Variants in MAP3K5 observed in about 807,000 individuals in gnomAD.
MAP3K5 encodes mitogen-activated protein kinase kinase kinase 5.
Under a neutral mutation model 158.7 loss-of-function variants are expected in MAP3K5, and 56 were observed. That is an observed-to-expected ratio of 0.35 (90% CI 0.28 to 0.44). MAP3K5 has a LOEUF of 0.44. Ranked by LOEUF, MAP3K5 falls within the 20% of genes least tolerant of loss-of-function variation. The pLI is 1.00. For missense variants in MAP3K5, 1,294 were observed against 1,674.8 expected (o/e 0.77, Z 3.97); for synonymous variants, 579 against 601.7 (o/e 0.96, Z 0.55).
At chr6:136,769,256 T>C (rs1784080290) in intron 1 of MAP3K5, among the ~76,000 whole-genome samples, 1 of 152,154 alleles carries the variant, frequency 6.6e-6, no homozygotes, top group African/African-American at 2.4e-5. Flanking sequence ...AGTCACAAAA[T>C]GCCACATATT....
intron 7 of MAP3K5, among the ~76,000 whole-genome samples, chr6:136,684,196 G>A (rs1159332419): frequency 2.6e-5 from 4 of 151,728 alleles, no homozygotes; most frequent in East Asian, 3.9e-4. Flanking sequence ...TGCACTGGGC[G>A]ACAGAATGAG....
intron 1 of MAP3K5, among the ~76,000 whole-genome samples, chr6:136,760,713 T>C (rs1783711785): frequency 6.6e-6 from 1 of 152,130 alleles, no homozygotes; most frequent in Non-Finnish European, 1.5e-5. Flanking sequence ...CTCACGCCTG[T>C]AATCCCAGCA....
At chr6:136,587,529 C>A (rs576715848) in intron 23 of MAP3K5, among the ~76,000 whole-genome samples, 3 of 152,284 alleles carry the variant, frequency 2.0e-5, no homozygotes, top group Admixed American at 6.5e-5. Flanking sequence ...GTGATGGAAC[C>A]AGGCCTCAAA....
At chr6:136,706,727 A>G (rs1029068564) in intron 2 of MAP3K5, among the ~76,000 whole-genome samples, 2 of 152,226 alleles carry the variant, frequency 1.3e-5, no homozygotes, top group African/African-American at 4.8e-5. Flanking sequence ...AGAAGAACCA[A>G]CAAGGACTTT....
intron 15 of MAP3K5, among the ~76,000 whole-genome samples, chr6:136,618,170 C>G (rs964086871): frequency 2.0e-5 from 3 of 152,186 alleles, no homozygotes; most frequent in African/African-American, 4.8e-5. Context: ...AGTGTACACT[C>G]AGGTTGTATC....
chr6:136,644,974 G>A (rs1778176294), intron 11 of MAP3K5, among the ~76,000 whole-genome samples: 1 of 152,112 alleles, frequency 6.6e-6, no homozygotes, highest in Non-Finnish European at 1.5e-5. Context: ...TTCCATCCAG[G>A]CTGGAGTGTA....
intron 25 of MAP3K5, among the ~76,000 whole-genome samples, chr6:136,570,732 G>A (rs1015817567): frequency 1.3e-5 from 2 of 152,136 alleles, no homozygotes; most frequent in African/African-American, 4.8e-5. Context: ...TACTAACAGT[G>A]TTATGCTACC....
intron 23 of MAP3K5, among the ~76,000 whole-genome samples, chr6:136,586,809 T>C (rs1775160753): frequency 1.3e-5 from 2 of 152,202 alleles, no homozygotes; most frequent in African/African-American, 2.4e-5. Flanking sequence ...GTGGCTAGAA[T>C]ATAAGCAGGC....
intron 6 of MAP3K5, among the ~76,000 whole-genome samples, chr6:136,695,244 T>A (rs1780552796): frequency 1.3e-5 from 2 of 152,148 alleles, no homozygotes; most frequent in South Asian, 4.1e-4. Flanking sequence ...TTCAAGCGAT[T>A]CTCCTGCCTC....
intron 1 of MAP3K5, among the ~76,000 whole-genome samples, chr6:136,735,291 C>T (rs1257499741): frequency 1.3e-5 from 2 of 152,094 alleles, no homozygotes; most frequent in African/African-American, 4.8e-5. Context: ...TTAACAAAAA[C>T]ATCACAGGGG....
chr6:136,653,746 A>G (rs1778621645), intron 10 of MAP3K5, among the ~76,000 whole-genome samples: 1 of 152,250 alleles, frequency 6.6e-6, no homozygotes, highest in Non-Finnish European at 1.5e-5. Flanking sequence ...TAAGAAAACA[A>G]TCAAGCGGTT....
chr6:136,605,342 T>G lies in MAP3K5; in HGVS notation c.2546A>C (p.Glu849Ala). 2 of 1,614,010 alleles carry G rather than the reference T, an allele frequency of 1.2e-6. No individual in the cohort carries two copies. Among genetic ancestry groups the G allele is most frequent in the Non-Finnish European group, 1.7e-6 (2 of 1,179,946 alleles). The stretch of plus-strand genomic sequence containing the variant: ...GCCTCTTGGTCCTTTATCTATTATT[T>G]CTGGTGCCATATACTGGAGGGTACC... ...FTGTLQYMAP[E>A]IIDKGPRGYG... Residue 849 changes from glutamate to alanine, a missense_variant, in exon 19 of 30, where the codon GAA (glutamate) becomes GCA (alanine). By Grantham distance (107) the Glu-to-Ala change is moderately radical. Coordinates refer to ENST00000359015, the MANE Select transcript of MAP3K5 (RefSeq NM_005923.4).
chr6:136,611,054 T>C (rs1218403926), intron 18 of MAP3K5, among the ~76,000 whole-genome samples: 8 of 125,044 alleles, frequency 6.4e-5, no homozygotes, highest in Admixed American at 1.1e-4. Flanking sequence ...GCTGCAGTGA[T>C]AGGTGATCAC....
intron 7 of MAP3K5, among the ~76,000 whole-genome samples, chr6:136,677,364 CTT>C (rs1481029117): frequency 6.6e-6 from 1 of 152,116 alleles, no homozygotes; most frequent in East Asian, 1.9e-4. Context: ...GTCTCGATCT[CTT>C]GACCTCGTGA....
chr6:136,726,384 G>T (rs917499162), intron 1 of MAP3K5, among the ~76,000 whole-genome samples: 1 of 152,216 alleles, frequency 6.6e-6, no homozygotes, highest in African/African-American at 2.4e-5. Context: ...CTTGAGGCCA[G>T]GAGTTTGAGA....
chr6:136,575,598 C>A (rs772713403), intron 25 of MAP3K5, among the ~76,000 whole-genome samples: 1 of 152,176 alleles, frequency 6.6e-6, no homozygotes, highest in Non-Finnish European at 1.5e-5. Flanking sequence ...CAGTATGTAA[C>A]TAGTATTTCT....
intron 13 of MAP3K5, among the ~76,000 whole-genome samples, chr6:136,638,061 C>A (rs1022883281): frequency 3.3e-5 from 5 of 152,096 alleles, no homozygotes; most frequent in Non-Finnish European, 7.3e-5. Context: ...GTGGTATCAA[C>A]TTCCTCACTC....
chr6:136,562,747 T>C (rs545191884), intron 26 of MAP3K5, 132 bp from the exon 27 acceptor site: 2 of 496,192 alleles, frequency 4.0e-6, no homozygotes, highest in South Asian at 3.0e-5. Context: ...TATAGCTCAC[T>C]GCATCCTTAA....
intron 7 of MAP3K5, among the ~76,000 whole-genome samples, chr6:136,681,805 G>A (rs1779949111): frequency 6.6e-6 from 1 of 152,098 alleles, no homozygotes; most frequent in African/African-American, 2.4e-5. Flanking sequence ...TGTAGTCCCA[G>A]CTACTTGGGA....
Sources: allele counts gnomAD v4.1 joint callset (sites outside exome capture counted in the v4.1 genomes callset), GRCh38; gene constraint gnomAD v4.1.1; transcripts MANE v1.5; gene names NCBI Gene and HGNC (gene_info 2026-07-23, HGNC 2026-07-21).